Variants in PRKN observed in about 807,000 individuals in gnomAD.
The protein encoded by PRKN is parkin RBR E3 ubiquitin protein ligase, also known as E3 ubiquitin-protein ligase parkin.
In PRKN, 56 loss-of-function variants were observed where a neutral mutation model predicts 59.5. The observed-to-expected ratio is 0.94, with a 90% CI of 0.76 to 1.18. PRKN has a LOEUF of 1.18. Among genes scored for constraint, PRKN ranks in the 50% most tolerant of loss-of-function variants. PRKN has a pLI of 0.00. For missense variants in PRKN, 657 were observed against 596.4 expected, an observed-to-expected ratio of 1.10 and a Z score of -1.06; for synonymous variants, 250 against 222.1, an observed-to-expected ratio of 1.13 and a Z score of -1.12.
chr6:162,654,550 TAA>T (rs1204998718), intron 1 of PRKN, among the ~76,000 whole-genome samples: 2 of 152,350 alleles, frequency 1.3e-5, no homozygotes, highest in East Asian at 3.9e-4. Context: ...TTCATAATGA[TAA>T]AAGATTATCC....
intron 6 of PRKN, among the ~76,000 whole-genome samples, chr6:161,872,974 T>TTTTC (rs71004067): frequency 9.9e-5 from 14 of 141,302 alleles, no homozygotes; most frequent in South Asian, 4.4e-4. Context: ...TTTTTTTTTT[T>TTTTC]CCAAAAAACC....
intron 8 of PRKN, among the ~76,000 whole-genome samples, chr6:161,558,602 C>T (rs1351608452): frequency 6.6e-6 from 1 of 151,782 alleles, no homozygotes; most frequent in Non-Finnish European, 1.5e-5. Flanking sequence ...TATTCCTCTG[C>T]CATCTTTTAG....
intron 4 of PRKN, among the ~76,000 whole-genome samples, chr6:162,173,616 C>T (rs931243189): frequency 6.6e-6 from 1 of 151,512 alleles, no homozygotes; most frequent in African/African-American, 2.4e-5. Flanking sequence ...GCCTACAACA[C>T]TGTTTACTAT....
chr6:162,307,195 T>G (rs1227994226), intron 2 of PRKN, among the ~76,000 whole-genome samples: 2 of 151,584 alleles, frequency 1.3e-5, no homozygotes, highest in East Asian at 3.9e-4. Context: ...AGGTCAAGAG[T>G]TCGAGACCAG....
intron 1 of PRKN, among the ~76,000 whole-genome samples, chr6:162,509,198 C>A (rs578053880): frequency 6.6e-6 from 1 of 152,134 alleles, no homozygotes; most frequent in African/African-American, 2.4e-5. Flanking sequence ...CATTAAACCC[C>A]GAGTTTGCCT....
At chr6:162,591,861 C>T (rs1781320173) in intron 1 of PRKN, among the ~76,000 whole-genome samples, 6 of 149,724 alleles carry the variant, frequency 4.0e-5, no homozygotes, top group Admixed American at 2.7e-4. Context: ...TATTCTGACC[C>T]ACATTCAAAT....
At chr6:161,682,001 AAG>A (rs2128172788) in intron 7 of PRKN, among the ~76,000 whole-genome samples, 1 of 152,328 alleles carries the variant, frequency 6.6e-6, no homozygotes, top group African/African-American at 2.4e-5. Flanking sequence ...CCTGAGAGGA[AAG>A]AGAGAGTCAG....
At position 161,483,965 on chromosome 6, in the gene PRKN, G is replaced by A. The variant is rs1246310863; in HGVS notation, c.1083+64889C>T. Among the ~76,000 whole-genome samples, 1 of 152,146 alleles carries A rather than the reference G, an allele frequency of 6.6e-6. No individual in the cohort carries two copies. Among genetic ancestry groups the A allele is most frequent in the East Asian group, 1.9e-4 (1 of 5,182 alleles). Reference sequence around the variant, plus strand: ...ACTGCCTGTTCTCACTTATAAGTGGGAGCTGAATGATGAGCACACATGGAC... The same window carrying A: ...ACTGCCTGTTCTCACTTATAAGTGGAAGCTGAATGATGAGCACACATGGAC... On this transcript the variant is annotated intron_variant, in intron 9 of 11. Coordinates refer to ENST00000366898, the MANE Select transcript of PRKN (RefSeq NM_004562.3). This position sits in a 1 kb window ranked among gnomAD's most constrained non-coding sequence, Gnocchi z 5.0.
intron 4 of PRKN, among the ~76,000 whole-genome samples, chr6:162,105,698 C>A (rs949514903): frequency 3.3e-5 from 5 of 152,150 alleles, no homozygotes; most frequent in African/African-American, 1.2e-4. Flanking sequence ...CTGCACCCGG[C>A]CCAGATATTC....
At chr6:161,979,460 G>A (rs374702914) in intron 5 of PRKN, among the ~76,000 whole-genome samples, 5 of 152,072 alleles carry the variant, frequency 3.3e-5, no homozygotes, top group African/African-American at 9.7e-5. Context: ...TTTTAGTAGA[G>A]ATGAAGTTTT....
intron 8 of PRKN, among the ~76,000 whole-genome samples, chr6:161,564,856 T>C (rs1780581019): frequency 6.6e-6 from 1 of 152,198 alleles, no homozygotes; most frequent in African/African-American, 2.4e-5. Flanking sequence ...CGTCACCTTG[T>C]CCTCCATCTG....
At chr6:162,323,278 A>C (rs1248279480) in intron 2 of PRKN, among the ~76,000 whole-genome samples, 1 of 147,496 alleles carries the variant, frequency 6.8e-6, no homozygotes, top group Non-Finnish European at 1.5e-5. Flanking sequence ...TAAAATCTAA[A>C]ACTGAAAATT....
chr6:162,573,204 G>C (rs1780421099), intron 1 of PRKN, among the ~76,000 whole-genome samples: 1 of 152,094 alleles, frequency 6.6e-6, no homozygotes, highest in Non-Finnish European at 1.5e-5. Flanking sequence ...CATTCCAATG[G>C]GTGATCCTAA....
At chr6:162,294,448 A>G (rs1202003170) in intron 2 of PRKN, among the ~76,000 whole-genome samples, 1 of 152,212 alleles carries the variant, frequency 6.6e-6, no homozygotes, top group East Asian at 1.9e-4. Flanking sequence ...GAAATGAGCA[A>G]GAAATACAAA....
At position 162,201,187 on chromosome 6, in the gene PRKN, C is replaced by T; in HGVS notation, c.478G>A (p.Gly160Arg). The change falls in exon 4 of 12, where the codon GGA (glycine) becomes AGA (arginine). Residue 160 changes from glycine (G) to arginine (R), a missense_variant. Gly to Arg is a moderately radical substitution (Grantham distance 125). Transcript: ENST00000366898. ...CKGPCQRVQP[G>R]KLRVQCSTCR... is the part of the protein sequence containing the mutation. Reference sequence around the variant, plus strand: ...GTGCTGCACTGTACCCTGAGTTTTCCCGGCTGCACTCTTTGACAGGGGCCT... The same window carrying T: ...GTGCTGCACTGTACCCTGAGTTTTCTCGGCTGCACTCTTTGACAGGGGCCT... 6.2e-7 allele frequency: 1 copy of T among 1,614,060 alleles called. No homozygotes were observed. The highest frequency in any genetic ancestry group is 8.5e-7 in the Non-Finnish European group (1 of 1,179,962).
At chr6:161,993,702 C>T (rs1472027206) in intron 5 of PRKN, among the ~76,000 whole-genome samples, 2 of 152,104 alleles carry the variant, frequency 1.3e-5, no homozygotes, top group East Asian at 3.9e-4. Flanking sequence ...TATTGGAACA[C>T]CTGAGACTGG....
rs190372192 is a variant in PRKN at position 161,906,241 on chromosome 6, G to A, written c.734+67061C>T. On this transcript the variant is annotated intron_variant, in intron 6 of 11. Coordinates refer to ENST00000366898, the MANE Select transcript of PRKN (RefSeq NM_004562.3). ...ATAATAATATCATGGTATATTTTTT[G>A]AAAAGTTGCATGGAAGATAACAATT... Among the ~76,000 whole-genome samples the A allele has an allele frequency of 2.0e-5, 3 of 152,234 alleles. No individual in the cohort carries two copies. The East Asian group carries it at 5.8e-4, about 29-fold the overall frequency.
Position 161,651,750 on chromosome 6 carries a change from C to T in PRKN, c.872-82334G>A, listed in dbSNP as rs192629354. ...TTTTAAAGTTCATTTCTAAACTAAA[C>T]ATTGCAAAAAGTTTCTTGTCAAAAG... On this transcript the variant is annotated intron_variant, in intron 7 of 11. Coordinates refer to ENST00000366898, the MANE Select transcript of PRKN (RefSeq NM_004562.3). Among the ~76,000 whole-genome samples, 7 of 152,254 alleles carry T rather than the reference C, an allele frequency of 4.6e-5. No homozygotes were observed. The East Asian group carries it at 1.4e-3, about 29-fold the overall frequency.
At chr6:161,740,600 A>G (rs1328722359) in intron 7 of PRKN, among the ~76,000 whole-genome samples, 2 of 152,210 alleles carry the variant, frequency 1.3e-5, no homozygotes. Flanking sequence ...TGATGAACAC[A>G]TTTAGAAACC....
Sources: gnomAD v4.1 joint callset for allele counts (sites outside exome capture counted in the v4.1 genomes callset) on GRCh38, gnomAD v4.1.1 for gene constraint, Gnocchi (gnomAD v3.1) non-coding constraint, MANE v1.5 for transcripts, NCBI Gene and HGNC (gene_info 2026-07-23, HGNC 2026-07-21) for gene names.